Variants in CENPE observed in about 807,000 individuals in gnomAD.
The protein encoded by CENPE is centromere-associated protein E.
Under a neutral mutation model 336.1 loss-of-function variants are expected in CENPE, and 145 were observed. That is an observed-to-expected ratio of 0.43 (90% CI 0.38 to 0.50). CENPE has a LOEUF of 0.50. Ranked by LOEUF, CENPE falls within the 20% of genes least tolerant of loss-of-function variation. The pLI is 0.00. For missense variants in CENPE, 2,719 were observed against 3,023.3 expected, an observed-to-expected ratio of 0.90 and a Z score of 2.36; for synonymous variants, 1,013 against 984.8, an observed-to-expected ratio of 1.03 and a Z score of -0.54.
chr4:103,134,369 T>C (rs1027186450), intron 40 of CENPE, among the ~76,000 whole-genome samples: 1 of 152,118 alleles, frequency 6.6e-6, no homozygotes, highest in African/African-American at 2.4e-5. Context: ...ACATGGTGGC[T>C]CATGCCTGTA....
chr4:103,152,020 T>C (rs1162556961), intron 25 of CENPE, among the ~76,000 whole-genome samples: 2 of 152,170 alleles, frequency 1.3e-5, no homozygotes, highest in African/African-American at 4.8e-5. Flanking sequence ...CTTCTCCAAA[T>C]ATTTATTTAA....
chr4:103,117,622 C>CTTTTTTTTT (rs771337112), intron 44 of CENPE, among the ~76,000 whole-genome samples: 1 of 115,064 alleles, frequency 8.7e-6, no homozygotes, highest in African/African-American at 3.7e-5. Flanking sequence ...ATTTTCTTTC[C>CTTTTTTTTT]TTTTTTTTTT....
intron 44 of CENPE, among the ~76,000 whole-genome samples, chr4:103,116,895 A>AT (rs1322568025): frequency 3.3e-5 from 5 of 152,232 alleles, no homozygotes; most frequent in East Asian, 3.9e-4. Context: ...TAGAAACATG[A>AT]TTTTTTATTT....
rs767578658 is a variant in CENPE at position 103,136,333 on chromosome 4, C to A, written c.6330G>T (p.Met2110Ile). 1 of 1,611,242 alleles carries A rather than the reference C, an allele frequency of 6.2e-7. No homozygotes were observed. The highest frequency in any genetic ancestry group is 1.1e-5 in the South Asian group (1 of 90,874). The change falls in exon 40 of 49, where the codon ATG becomes ATT. Residue 2110 changes from methionine to isoleucine, a missense_variant. Met to Ile is a conservative substitution (Grantham distance 10, BLOSUM62 1). Coordinates refer to ENST00000265148, the MANE Select transcript of CENPE (RefSeq NM_001813.3). ...TATTCAAGCACTCATAATGATCATC[C>A]ATCTCTGAGTATCTCTTCAAAAGCT... ...IKELLKRYSE[M>I]DDHYECLNRL...
chr4:103,158,871 G>T lies in CENPE; in HGVS notation c.2617C>A (p.Gln873Lys). ...TCACGTGTTTTCTCCTGAAGTTCTT[G>T]GGTCTTGTAAGAAAGCTTTAAAAAA... ...ALKTELSYKTQELQEKTREVQ... is the reference protein window; with the variant it reads ...ALKTELSYKTKELQEKTREVQ... Residue 873 changes from glutamine (Q) to lysine (K), a missense_variant, in exon 23 of 49, where the codon CAA becomes AAA. Gln to Lys is a moderately conservative substitution (Grantham distance 53, BLOSUM62 1). Transcript: ENST00000265148. 1.3e-6 allele frequency: 2 copies of T among 1,598,038 alleles called. No homozygotes were observed. Among genetic ancestry groups the T allele is most frequent in the Non-Finnish European group, 1.7e-6 (2 of 1,175,794 alleles).
rs1356391801 is a variant in CENPE at position 103,160,698 on chromosome 4, G to C, written c.2213C>G (p.Ala738Gly). The C allele has an allele frequency of 6.2e-7, 1 of 1,610,494 alleles. No homozygotes were observed. Among genetic ancestry groups the C allele is most frequent in the Admixed American group, 1.7e-5 (1 of 59,608 alleles). ...AAGCAAAATGACTTCTTCCCGCAAA[G>C]CTTCATTTTCTTCAACTTCTTTATT... is the stretch of plus-strand genomic sequence containing the variant. ...ELNKEVEENE[A>G]LREEVILLSE... Residue 738 changes from alanine (A) to glycine (G), a missense_variant, in exon 21 of 49, where the codon GCT becomes GGT. Coordinates refer to ENST00000265148, the MANE Select transcript of CENPE (RefSeq NM_001813.3).
At position 103,183,268 on chromosome 4, in the gene CENPE, A is replaced by G. The variant is rs1756476926; in HGVS notation, c.766T>C (p.Cys256Arg). Reference protein sequence around the residue: ...GAAGVRLKEGCNINRSLFILG... With the variant: ...GAAGVRLKEGRNINRSLFILG... ...ATAAATAAGCTTCGATTTATATTACAGCCTTCCTTGAGCCGCACACCTGAA... is the reference window on the plus strand; with the variant it reads ...ATAAATAAGCTTCGATTTATATTACGGCCTTCCTTGAGCCGCACACCTGAA... Residue 256 changes from cysteine to arginine, a missense_variant, in exon 10 of 49, where the codon TGT becomes CGT. Physicochemically the swap from Cys to Arg is radical, Grantham distance 180. This residue lies in a region of CENPE where 117 missense variants were observed against 215.8 expected (regional missense o/e 0.54). Transcript: ENST00000265148. 1 of 1,612,948 alleles carries G rather than the reference A, an allele frequency of 6.2e-7. No homozygotes were observed. The highest frequency in any genetic ancestry group is 8.5e-7 in the Non-Finnish European group (1 of 1,179,508).
intron 46 of CENPE, among the ~76,000 whole-genome samples, chr4:103,112,546 GTATA>G (rs936805520): frequency 5.0e-5 from 7 of 140,152 alleles, no homozygotes; most frequent in Admixed American, 3.7e-4. Context: ...ACACTTATAA[GTATA>G]TATGTGTATG....
In CENPE at chr4:103,158,446, G is replaced by C. The variant is rs1402635425; in HGVS notation, c.2887C>G (p.Gln963Glu). ...HDTVNMNIDT[Q>E]EQLRNALESL... ...TCAAGAGCATTTCGTAATTGTTCTT[G>C]AGTATCTATATTCTTTGTTAGAAAA... is the stretch of plus-strand genomic sequence containing the variant. The change falls in exon 24 of 49, where the codon CAA (glutamine) becomes GAA (glutamate). Residue 963 changes from glutamine to glutamate, a missense_variant. This residue lies in a region of CENPE where 2,437 missense variants were observed against 2,513.3 expected (regional missense o/e 0.97). Transcript: ENST00000265148. 5.1e-6 allele frequency: 8 copies of C among 1,577,522 alleles called. No homozygotes were observed. The Admixed American group carries it at 7.4e-5, about 15-fold the overall frequency.
rs1488098948 is a variant in CENPE at position 103,145,226 on chromosome 4, C to G, written c.4681G>C (p.Asp1561His). 4 of 1,613,782 alleles carry G rather than the reference C, an allele frequency of 2.5e-6. No homozygotes were observed. The highest frequency in any genetic ancestry group is 3.4e-6 in the Non-Finnish European group (4 of 1,179,836). ...KQFKEHRKAK[D>H]SALQSIESKM... ...CTTTCTATACTTTGTAGTGCTGAAT[C>G]CTTGGCTTTGCGATGCTCCTTGAAT... is the stretch of plus-strand genomic sequence containing the variant. Residue 1561 changes from aspartate to histidine, a missense_variant, in exon 32 of 49, where the codon GAT becomes CAT. Asp to His is a moderately conservative substitution (Grantham distance 81). This residue lies in a region of CENPE where 2,437 missense variants were observed against 2,513.3 expected (regional missense o/e 0.97). Coordinates refer to ENST00000265148, the MANE Select transcript of CENPE (RefSeq NM_001813.3).
chr4:103,124,019 T>C (rs941017007), intron 42 of CENPE, among the ~76,000 whole-genome samples: 8 of 152,226 alleles, frequency 5.3e-5, no homozygotes, highest in Non-Finnish European at 1.0e-4. Context: ...TTTACTATAG[T>C]ATATTGTTAA....
intron 16 of CENPE, among the ~76,000 whole-genome samples, chr4:103,166,947 A>G (rs1225859223): frequency 1.3e-5 from 2 of 152,196 alleles, no homozygotes; most frequent in Non-Finnish European, 2.9e-5. Flanking sequence ...CTAAAGTCTG[A>G]TGGTTTCTGG....
intron 28 of CENPE, 31 bp from the exon 29 acceptor site, chr4:103,147,677 T>C (rs1430393288): frequency 6.4e-7 from 1 of 1,565,540 alleles, no homozygotes; most frequent in East Asian, 2.2e-5. Context: ...CCAAGGTTAC[T>C]ATCAGGAGAT....
intron 48 of CENPE, among the ~76,000 whole-genome samples, chr4:103,107,082 A>G (rs1748961897): frequency 6.6e-6 from 1 of 152,196 alleles, no homozygotes; most frequent in South Asian, 2.1e-4. Context: ...AGCAGACAAA[A>G]TCAAAAGGTG....
At chr4:103,172,820 G>A (rs988841060) in intron 16 of CENPE, among the ~76,000 whole-genome samples, 2 of 151,688 alleles carry the variant, frequency 1.3e-5, no homozygotes, top group Admixed American at 1.3e-4. Context: ...GGAGGTGTCA[G>A]ATCTCTCAAA....
At chr4:103,158,964 C>A (rs573344868) in intron 22 of CENPE, 46 bp downstream of exon 22, 2 of 1,534,578 alleles carry the variant, frequency 1.3e-6, no homozygotes, top group African/African-American at 1.4e-5. Context: ...AAACCAAAAC[C>A]CCAGAAGACT....
chr4:103,124,308 C>T (rs1750904973), intron 42 of CENPE, among the ~76,000 whole-genome samples: 2 of 152,264 alleles, frequency 1.3e-5, no homozygotes, highest in Admixed American at 1.3e-4. Context: ...TAGTTTGCAT[C>T]AGTTTCTGAA....
At position 103,147,497 on chromosome 4, in the gene CENPE, G is replaced by A. The variant is rs1379548844; in HGVS notation, c.3993C>T (p.Leu1331=). 1 of 1,613,990 alleles carries A rather than the reference G, an allele frequency of 6.2e-7. No individual in the cohort carries two copies. Among genetic ancestry groups the A allele is most frequent in the East Asian group, 2.2e-5 (1 of 44,858 alleles). ...TTTCTTGAAATTTTTCATTCAACCT[G>A]AGCCTTTCCATTTCTATTCTTGCCA... The part of the protein sequence containing the change: ...TTLARIEMER[L]RLNEKFQESQ... The change falls in exon 29 of 49, where the codon CTC becomes CTT. Residue 1331 remains leucine (L), a synonymous_variant. Transcript: ENST00000265148.
At position 103,185,819 on chromosome 4, in the gene CENPE, C is replaced by T; in HGVS notation, c.736G>A (p.Gly246Ser). The T allele has an allele frequency of 6.2e-7, 1 of 1,607,996 alleles. No homozygotes were observed. The highest frequency in any genetic ancestry group is 1.1e-5 in the South Asian group (1 of 90,258). The change falls in exon 9 of 49, where the codon GGC (glycine) becomes AGC (serine). Residue 246 changes from glycine to serine, a missense_variant. Gly to Ser is a moderately conservative substitution (Grantham distance 56, BLOSUM62 0). Around this residue, in one of 5 missense-constraint regions of CENPE, gnomAD observed 117 missense variants for 215.8 expected, o/e 0.54. Transcript: ENST00000265148. ...CATGAGTTTTAATTACCTGCAGCGC[C>T]TGTTTGAGCAGCTCTTTCACTGCCT... is the stretch of plus-strand genomic sequence containing the variant. Reference protein sequence around the residue: ...LAGSERAAQTGAAGVRLKEGC... With the variant: ...LAGSERAAQTSAAGVRLKEGC...
Sources: allele counts gnomAD v4.1 joint callset (sites outside exome capture counted in the v4.1 genomes callset), GRCh38; gene constraint gnomAD v4.1.1; regional missense constraint gnomAD v4.1.1; transcripts MANE v1.5; gene names NCBI Gene and HGNC (gene_info 2026-07-23, HGNC 2026-07-21).